The following HTR1F variants were observed in gnomAD, a reference collection of about 807,000 sequenced individuals.
The protein encoded by HTR1F is 5-hydroxytryptamine (serotonin) receptor 1F, G protein-coupled.
HTR1F carries 17 observed loss-of-function variants against 24.0 expected under a neutral mutation model. That is an observed-to-expected ratio of 0.71 (90% CI 0.48 to 1.06). HTR1F has a LOEUF of 1.06. Among genes scored for constraint, HTR1F ranks in the 50% least tolerant of loss-of-function variants. HTR1F has a pLI of 0.00. For missense variants in HTR1F, 391 were observed against 427.8 expected, an observed-to-expected ratio of 0.91 and a Z score of 0.76; for synonymous variants, 186 against 156.8, an observed-to-expected ratio of 1.19 and a Z score of -1.39.
intron 2 of HTR1F, among the ~76,000 whole-genome samples, chr3:87,822,353 G>A (rs1267481964): frequency 6.6e-6 from 1 of 152,108 alleles, no homozygotes; most frequent in Non-Finnish European, 1.5e-5. Flanking sequence ...GAGGAAAATA[G>A]GGTGGAGACT....
intron 2 of HTR1F, among the ~76,000 whole-genome samples, chr3:87,851,306 A>G (rs1705081269): frequency 6.6e-6 from 1 of 151,572 alleles, no homozygotes; most frequent in Admixed American, 6.6e-5. Context: ...TTGTTTATGT[A>G]TATATTATTT....
intron 2 of HTR1F, among the ~76,000 whole-genome samples, chr3:87,822,697 G>A (rs1422954210): frequency 6.6e-6 from 1 of 152,148 alleles, no homozygotes; most frequent in Admixed American, 6.5e-5. Context: ...TTATTGCCCA[G>A]CCCAGTCTGA....
At chr3:87,903,066 A>G (rs554291339) in intron 2 of HTR1F, among the ~76,000 whole-genome samples, 1 of 152,054 alleles carries the variant, frequency 6.6e-6, no homozygotes, top group East Asian at 1.9e-4. Context: ...AAAACTGGCT[A>G]GCCATATGTA....
chr3:87,872,305 G>T (rs961539480), intron 2 of HTR1F, among the ~76,000 whole-genome samples: 20 of 152,020 alleles, frequency 1.3e-4, no homozygotes, highest in African/African-American at 4.6e-4. Context: ...TAAATAAAAA[G>T]AAAGCTCTCA....
At chr3:87,915,243 A>C (rs1703867498) in intron 2 of HTR1F, among the ~76,000 whole-genome samples, 1 of 152,204 alleles carries the variant, frequency 6.6e-6, no homozygotes, top group African/African-American at 2.4e-5. Context: ...GAGCCTACCC[A>C]AATGAGAAGG....
At chr3:87,803,702 T>C (rs191388165) in intron 1 of HTR1F, among the ~76,000 whole-genome samples, 1 of 152,254 alleles carries the variant, frequency 6.6e-6, no homozygotes, top group Admixed American at 6.5e-5. Flanking sequence ...GATCAGGTCT[T>C]CCAAACTGAA....
chr3:87,883,241 A>G (rs1705850569), intron 2 of HTR1F, among the ~76,000 whole-genome samples: 1 of 152,214 alleles, frequency 6.6e-6, no homozygotes, highest in Non-Finnish European at 1.5e-5. Flanking sequence ...TGACTGTTGA[A>G]AGGAAAACTA....
chr3:87,932,417 T>C (rs1398992338), intron 2 of HTR1F, among the ~76,000 whole-genome samples: 1 of 152,194 alleles, frequency 6.6e-6, no homozygotes, highest in African/African-American at 2.4e-5. Context: ...TCTGTTTTGG[T>C]ACCAGTACCA....
intron 2 of HTR1F, among the ~76,000 whole-genome samples, chr3:87,961,914 A>G (rs1705070050): frequency 6.6e-6 from 1 of 152,040 alleles, no homozygotes; most frequent in Non-Finnish European, 1.5e-5. Context: ...TTTCAGACAA[A>G]CAATACATAT....
chr3:87,972,126 G>A (rs1705298554), intron 2 of HTR1F, among the ~76,000 whole-genome samples: 1 of 152,064 alleles, frequency 6.6e-6, no homozygotes. Flanking sequence ...TTTTGTTCTA[G>A]GCCCAGGGAT....
At chr3:87,795,254 G>C (rs1292694587) in intron 1 of HTR1F, among the ~76,000 whole-genome samples, 3 of 152,142 alleles carry the variant, frequency 2.0e-5, no homozygotes, top group African/African-American at 7.2e-5. Context: ...AAAGTGTTGG[G>C]ATTACAGGCG....
chr3:87,914,051 C>T (rs1416797643), intron 2 of HTR1F, among the ~76,000 whole-genome samples: 1 of 152,126 alleles, frequency 6.6e-6, no homozygotes, highest in African/African-American at 2.4e-5. Flanking sequence ...TACTGTGATG[C>T]CCAAACTGTG....
At chr3:87,891,126 C>G (rs1706073354) in intron 2 of HTR1F, among the ~76,000 whole-genome samples, 1 of 152,078 alleles carries the variant, frequency 6.6e-6, no homozygotes, top group Non-Finnish European at 1.5e-5. Context: ...CAGACATGAG[C>G]CACCGCACCC....
chr3:87,977,143 T>C (rs28684607), intron 2 of HTR1F, among the ~76,000 whole-genome samples: 11,626 of 152,198 alleles, frequency 0.076, 1,338 homozygotes, highest in African/African-American at 0.25. Flanking sequence ...GTGATGGTAC[T>C]ATGGATCCCA....
chr3:87,914,720 G>A (rs1273795922), intron 2 of HTR1F, among the ~76,000 whole-genome samples: 3 of 151,846 alleles, frequency 2.0e-5, no homozygotes, highest in Non-Finnish European at 4.4e-5. Context: ...GTTTAAACAT[G>A]CCTAGCCCTG....
chr3:87,922,903 G>T (rs1256092762), intron 2 of HTR1F, among the ~76,000 whole-genome samples: 2 of 150,048 alleles, frequency 1.3e-5, no homozygotes, highest in East Asian at 3.9e-4. Flanking sequence ...CACAGTTTTG[G>T]GTCTTACATG....
chr3:87,846,349 T>G (rs2919238), intron 2 of HTR1F, among the ~76,000 whole-genome samples: 67,099 of 151,458 alleles, frequency 0.44, 18,512 homozygotes, highest in African/African-American at 0.78. Flanking sequence ...CAGCAGAATC[T>G]TTTGAACCTG....
At chr3:87,941,781 A>G (rs1256186245) in intron 2 of HTR1F, among the ~76,000 whole-genome samples, 3 of 152,276 alleles carry the variant, frequency 2.0e-5, no homozygotes, top group African/African-American at 7.2e-5. Context: ...GCTATTTGGG[A>G]AAGCAGAGTA....
At chr3:87,906,021 G>T (rs541684866) in intron 2 of HTR1F, among the ~76,000 whole-genome samples, 1 of 152,026 alleles carries the variant, frequency 6.6e-6, no homozygotes, top group Non-Finnish European at 1.5e-5. Context: ...ATTGTTACAA[G>T]AATGTTCACC....
Sources: gnomAD v4.1 joint callset for allele counts (sites outside exome capture counted in the v4.1 genomes callset) on GRCh38, gnomAD v4.1.1 for gene constraint, MANE v1.5 for transcripts, NCBI Gene and HGNC (gene_info 2026-07-23, HGNC 2026-07-21) for gene names.